The following NEXMIF variants were observed in gnomAD, a reference collection of about 807,000 sequenced individuals.
NEXMIF encodes neurite extension and migration factor.
Under a neutral mutation model 62.1 loss-of-function variants are expected in NEXMIF, and 8 were observed. The ratio of observed to expected loss-of-function variants is 0.13; its 90% CI spans 0.08 to 0.23. NEXMIF has a LOEUF of 0.23. NEXMIF is among the 10% of genes least tolerant of loss of function. The probability of loss-of-function intolerance (pLI) is 1.00; values close to 1 mark genes in which losing one functional copy is unlikely to be tolerated. For missense variants in NEXMIF, 976 were observed against 1,113.3 expected, an observed-to-expected ratio of 0.88 and a Z score of 1.75; for synonymous variants, 404 against 416.6, an observed-to-expected ratio of 0.97 and a Z score of 0.37.
intron 1 of NEXMIF, among the ~76,000 whole-genome samples, chrX:74,762,947 C>T (rs1424610570): frequency 9.0e-6 from 1 of 111,674 alleles, no homozygotes; most frequent in Non-Finnish European, 1.9e-5. Flanking sequence ...GTTTCTTTTG[C>T]TGTGCAGAAG....
intron 1 of NEXMIF, among the ~76,000 whole-genome samples, chrX:74,811,155 A>T (rs968725575): frequency 9.0e-6 from 1 of 111,606 alleles, no homozygotes; most frequent in Non-Finnish European, 1.9e-5. Flanking sequence ...GCTTGTTTAA[A>T]CCCTAAAGCT....
chrX:74,922,533 CT>C (rs775423138), intron 1 of NEXMIF, among the ~76,000 whole-genome samples: 1 of 112,181 alleles, frequency 8.9e-6, no homozygotes, highest in African/African-American at 3.2e-5. Context: ...CTTTAAATGA[CT>C]TTCTCTAGCT....
chrX:74,869,557 C>T lies in NEXMIF; in HGVS notation c.-48+55326G>A, dbSNP rs1018369937. Among the ~76,000 whole-genome samples, 3 of 111,593 alleles carry T rather than the reference C, an allele frequency of 2.7e-5. No individual in the cohort carries two copies. The South Asian group carries it at 1.1e-3, about 41-fold the overall frequency. On this transcript the variant is annotated intron_variant, in intron 1 of 3. Transcript: ENST00000055682. ...TATCCTTATTTCCAGATGATATGAT[C>T]TTATATTTGGAAAAACTAATGACTC... is the stretch of plus-strand genomic sequence containing the variant.
At chrX:74,884,977 T>C (rs925144462) in intron 1 of NEXMIF, among the ~76,000 whole-genome samples, 1 of 110,513 alleles carries the variant, frequency 9.0e-6, no homozygotes, top group African/African-American at 3.3e-5. Flanking sequence ...AAACTAGAAC[T>C]CAGGATTAAG....
chrX:74,843,483 C>T (rs1029322810), intron 1 of NEXMIF, among the ~76,000 whole-genome samples: 2 of 108,234 alleles, frequency 1.8e-5, no homozygotes, highest in African/African-American at 6.8e-5. Context: ...GGTGTGATCT[C>T]GGCTTACTGC....
intron 1 of NEXMIF, among the ~76,000 whole-genome samples, chrX:74,913,902 A>G (rs1219137066): frequency 1.8e-5 from 2 of 112,161 alleles, no homozygotes; most frequent in Non-Finnish European, 1.9e-5. Flanking sequence ...CATTAAAAGA[A>G]TAAGTAAAGG....
intron 1 of NEXMIF, among the ~76,000 whole-genome samples, chrX:74,750,094 G>A (rs757195591): frequency 4.5e-5 from 5 of 111,436 alleles, no homozygotes; most frequent in African/African-American, 6.5e-5. Context: ...GAGACAGAGG[G>A]GGGGAAGATA....
intron 1 of NEXMIF, among the ~76,000 whole-genome samples, chrX:74,747,592 C>A (rs1205662965): frequency 9.0e-6 from 1 of 110,814 alleles, no homozygotes; most frequent in African/African-American, 3.3e-5. Context: ...ATTAATGTAC[C>A]ATGAAATATA....
intron 1 of NEXMIF, among the ~76,000 whole-genome samples, chrX:74,801,860 A>G (rs1329513269): frequency 1.8e-5 from 2 of 111,850 alleles, no homozygotes; most frequent in Non-Finnish European, 3.8e-5. Context: ...GAAACCAGGT[A>G]GTATTCACCA....
intron 1 of NEXMIF, among the ~76,000 whole-genome samples, chrX:74,803,161 TA>T (rs2080334802): frequency 9.0e-6 from 1 of 111,223 alleles, no homozygotes; most frequent in East Asian, 2.8e-4. Flanking sequence ...AAAGGGAAAA[TA>T]ACGAGAACTC....
intron 1 of NEXMIF, among the ~76,000 whole-genome samples, chrX:74,803,763 GAA>G (rs34025894): frequency 9.6e-6 from 1 of 103,837 alleles, no homozygotes; most frequent in East Asian, 3.0e-4. Context: ...AGTGCTGAAG[GAA>G]AAAAAAAACA....
chrX:74,807,890 T>G (rs909478944), intron 1 of NEXMIF, among the ~76,000 whole-genome samples: 4 of 112,275 alleles, frequency 3.6e-5, no homozygotes, highest in African/African-American at 1.3e-4. Flanking sequence ...CCATTCAGTA[T>G]ACTTTTAGCT....
rs111585131 is a variant in NEXMIF at position 74,769,093 on chromosome X, GTT to G, written c.-47-23398_-47-23397del. Reference sequence around the variant, plus strand: ...GAAAATCTTAAAGAACTGATCTATAGTTTTTTTTTTTTCTCAGCCAAAATCAT... The same window carrying G: ...GAAAATCTTAAAGAACTGATCTATAGTTTTTTTTTTCTCAGCCAAAATCAT... On this transcript the variant is annotated intron_variant, in intron 1 of 3. Coordinates refer to ENST00000055682, the MANE Select transcript of NEXMIF (RefSeq NM_001008537.3). 3.3e-3 allele frequency among the ~76,000 whole-genome samples: 350 copies of G among 104,541 alleles called. 2 individuals are homozygous for G. Among genetic ancestry groups the G allele is most frequent in the African/African-American group, 0.011 (333 of 29,015 alleles). 90.8% of individuals were successfully genotyped at this position (104,541 alleles called of 115,157 possible).
intron 1 of NEXMIF, among the ~76,000 whole-genome samples, chrX:74,837,422 T>G (rs2080460865): frequency 8.9e-6 from 1 of 112,027 alleles, no homozygotes; most frequent in South Asian, 3.7e-4. Flanking sequence ...AAGGACTGTC[T>G]TTCTCATCTT....
rs140638082 is a variant in NEXMIF, at chrX:74,804,950, G to T, written c.-47-59253C>A. Among the ~76,000 whole-genome samples, 366 of 111,948 alleles carry T rather than the reference G, an allele frequency of 3.3e-3. 2 individuals are homozygous for T. The highest frequency in any genetic ancestry group is 0.011 in the African/African-American group (349 of 30,787). On this transcript the variant is annotated intron_variant, in intron 1 of 3. Coordinates refer to ENST00000055682, the MANE Select transcript of NEXMIF (RefSeq NM_001008537.3). The stretch of plus-strand genomic sequence containing the variant: ...AGATGTGCGATTCCCCTCTCACTAG[G>T]ATTAATTTAAATACTCCCTCTGTGG...
intron 1 of NEXMIF, among the ~76,000 whole-genome samples, chrX:74,761,828 T>G (rs139324109): frequency 9.0e-5 from 10 of 111,270 alleles, no homozygotes; most frequent in African/African-American, 3.3e-4. Context: ...TTTGAGATAT[T>G]TCTAGCTTTC....
At chrX:74,745,433 G>A in intron 2 of NEXMIF, 139 bp downstream of exon 2, 1 of 470,757 alleles carries the variant, frequency 2.1e-6, no homozygotes, top group Non-Finnish European at 3.8e-6. Flanking sequence ...ATATTTGGTG[G>A]AATAAAGTTT....
At position 74,743,510 on chromosome X, in the gene NEXMIF, C is replaced by G; in HGVS notation, c.1047G>C (p.Glu349Asp). The G allele has an allele frequency of 8.3e-7, 1 of 1,211,544 alleles. No individual in the cohort carries two copies. Among genetic ancestry groups the G allele is most frequent in the Non-Finnish European group, 1.1e-6 (1 of 895,513 alleles). Residue 349 changes from glutamate (E) to aspartate (D), a missense_variant, in exon 3 of 4, where the codon GAG becomes GAC. By Grantham distance (45) the Glu-to-Asp change is conservative. This residue lies in a region of NEXMIF where 639 missense variants were observed against 694.5 expected (regional missense o/e 0.92). Coordinates refer to ENST00000055682, the MANE Select transcript of NEXMIF (RefSeq NM_001008537.3). ...TCTGCTTCAGGGCCCCACTCTTAGACTCTCGCTTGGGGCAGGTAGTAAAGA... is the reference window on the plus strand; with the variant it reads ...TCTGCTTCAGGGCCCCACTCTTAGAGTCTCGCTTGGGGCAGGTAGTAAAGA... Reference protein sequence around the residue: ...PSVFTTCPKRESKSGALKQSS... With the variant: ...PSVFTTCPKRDSKSGALKQSS...
chrX:74,805,289 G>A (rs2080341719), intron 1 of NEXMIF, among the ~76,000 whole-genome samples: 1 of 111,871 alleles, frequency 8.9e-6, no homozygotes, highest in Non-Finnish European at 1.9e-5. Context: ...TCCTTGTGGT[G>A]GGGAATGATT....
Sources: allele counts gnomAD v4.1 joint callset (sites outside exome capture counted in the v4.1 genomes callset), GRCh38; gene constraint gnomAD v4.1.1; regional missense constraint gnomAD v4.1.1; transcripts MANE v1.5; gene names NCBI Gene and HGNC (gene_info 2026-07-23, HGNC 2026-07-21).